SHROOM2: variants seen among roughly 807,000 people sequenced by gnomAD.
SHROOM2 encodes the protein protein Shroom2.
In SHROOM2, 33 loss-of-function variants were observed where a neutral mutation model predicts 75.9. That is an observed-to-expected ratio of 0.43 (90% CI 0.33 to 0.58). The LOEUF (loss-of-function observed/expected upper bound fraction) is 0.58. SHROOM2 is among the 20% of genes least tolerant of loss of function. The probability of loss-of-function intolerance (pLI) is 0.04; values close to 1 mark genes in which losing one functional copy is unlikely to be tolerated. For synonymous variants in SHROOM2, 655 were observed against 663.6 expected (o/e 0.99, Z 0.20); for missense variants, 1,434 against 1,461.2 (o/e 0.98, Z 0.30).
intron 1 of SHROOM2, among the ~76,000 whole-genome samples, chrX:9,809,912 G>A (rs1166803938): frequency 1.8e-5 from 2 of 112,480 alleles, no homozygotes; most frequent in African/African-American, 6.5e-5. Flanking sequence ...CTGACCTCAA[G>A]TGATCCACCT....
At chrX:9,936,995 A>G (rs903802469) in intron 6 of SHROOM2, 139 bp from the exon 7 acceptor site, 28 of 579,920 alleles carry the variant, frequency 4.8e-5, no homozygotes, top group Non-Finnish European at 6.4e-5. Flanking sequence ...ATGTGGGATC[A>G]TGGAGGCTCC....
At chrX:9,938,207 T>C (rs1314195636) in intron 7 of SHROOM2, among the ~76,000 whole-genome samples, 1 of 112,142 alleles carries the variant, frequency 8.9e-6, no homozygotes, top group Non-Finnish European at 1.9e-5. Context: ...CTTTATGAAA[T>C]GTTTTTTTAA....
intron 2 of SHROOM2, among the ~76,000 whole-genome samples, chrX:9,879,798 T>A (rs1427469739): frequency 8.9e-6 from 1 of 112,061 alleles, no homozygotes; most frequent in African/African-American, 3.2e-5. Flanking sequence ...CTGTATGTGC[T>A]ATGCAGTGGG....
intron 8 of SHROOM2, among the ~76,000 whole-genome samples, chrX:9,942,200 A>G (rs1326283371): frequency 1.8e-5 from 2 of 111,677 alleles, no homozygotes; most frequent in African/African-American, 6.5e-5. Context: ...CAGTCTCTCC[A>G]GATAGGTAGT....
intron 2 of SHROOM2, among the ~76,000 whole-genome samples, chrX:9,883,764 A>G (rs2084244508): frequency 1.8e-5 from 2 of 111,473 alleles, no homozygotes; most frequent in Non-Finnish European, 3.8e-5. Context: ...TGGCAGGAAA[A>G]GGAAGGAAGC....
intron 6 of SHROOM2, among the ~76,000 whole-genome samples, chrX:9,935,335 T>TTATTATTATTTA (rs1160776258): frequency 0.012 from 1,149 of 98,602 alleles, 20 homozygotes; most frequent in African/African-American, 0.044. Context: ...ATTATTATTA[T>TTATTATTATTTA]TTATTATTAT....
intron 8 of SHROOM2, among the ~76,000 whole-genome samples, chrX:9,940,059 C>T (rs762687587): frequency 1.8e-5 from 2 of 112,231 alleles, no homozygotes; most frequent in African/African-American, 6.5e-5. Context: ...GGATTACAGG[C>T]GTGAGCCACT....
chrX:9,895,566 C>T lies in SHROOM2; in HGVS notation c.1658C>T (p.Pro553Leu). The part of the protein sequence containing the change: ...EGCSAGAQEP[P>L]RASRAEKASQ... ...TGCTCCGCGGGAGCCCAGGAGCCTCCCAGGGCCAGCCGTGCAGAAAAAGCC... is the reference window on the plus strand; with the variant it reads ...TGCTCCGCGGGAGCCCAGGAGCCTCTCAGGGCCAGCCGTGCAGAAAAAGCC... The change falls in exon 4 of 10, where the codon CCC becomes CTC. Residue 553 changes from proline (P) to leucine (L), a missense_variant. Physicochemically the swap from Pro to Leu is moderately conservative, Grantham distance 98 (BLOSUM62 -3). Transcript: ENST00000380913. 8.5e-7 allele frequency: 1 copy of T among 1,171,682 alleles called. No individual in the cohort carries two copies. The highest frequency in any genetic ancestry group is 1.1e-6 in the Non-Finnish European group (1 of 877,534).
Position 9,835,195 on chromosome X carries a change from C to G in SHROOM2, c.166-38457C>G, listed in dbSNP as rs1479192843. Reference sequence around the variant, plus strand: ...CAAACTGGGAGTCAGGAAACTAGACCTGCAGGGCAGAGAACCTGTGCTTTG... The same window carrying G: ...CAAACTGGGAGTCAGGAAACTAGACGTGCAGGGCAGAGAACCTGTGCTTTG... On this transcript the variant is annotated intron_variant, in intron 1 of 9. Coordinates refer to ENST00000380913, the MANE Select transcript of SHROOM2 (RefSeq NM_001649.4). Among the ~76,000 whole-genome samples the G allele has an allele frequency of 3.5e-5, 4 of 112,698 alleles. No individual in the cohort carries two copies. In the East Asian group the frequency reaches 1.1e-3, roughly 31 times the overall value.
chrX:9,917,241 G>A (rs778779953), intron 5 of SHROOM2, among the ~76,000 whole-genome samples: 10 of 111,890 alleles, frequency 8.9e-5, no homozygotes, highest in Non-Finnish European at 1.5e-4. Flanking sequence ...GTACATTCTC[G>A]TGTCCGGTCT....
At chrX:9,835,853 A>G (rs2083941642) in intron 1 of SHROOM2, among the ~76,000 whole-genome samples, 1 of 110,291 alleles carries the variant, frequency 9.1e-6, no homozygotes, top group Non-Finnish European at 1.9e-5. Flanking sequence ...TCCTCTCATC[A>G]CTGGAGTAGT....
chrX:9,909,047 A>G (rs1424988915), intron 5 of SHROOM2, among the ~76,000 whole-genome samples: 2 of 111,823 alleles, frequency 1.8e-5, no homozygotes, highest in African/African-American at 3.2e-5. Flanking sequence ...GCTTTTCTCC[A>G]ATAAAAGGAA....
rs2084833284 is a variant in SHROOM2 at position 9,947,591 on chromosome X, TAAAG to T, written c.*658_*661del. On this transcript the variant is annotated 3_prime_UTR_variant, in exon 10 of 10. Transcript: ENST00000380913. The stretch of plus-strand genomic sequence containing the variant: ...CTCATTCTCAGATTAAATTGCCACT[TAAAG>T]AAATAACGTGCATGCTTTAAAAAAC... 8.9e-6 allele frequency: 1 copy of T among 112,509 alleles called. No individual in the cohort carries two copies. The highest frequency in any genetic ancestry group is 3.2e-5 in the African/African-American group (1 of 30,843). 9.3% of individuals were successfully genotyped at this position (112,509 alleles called of 1,213,427 possible). A position where few individuals can be genotyped will look rare whatever the true frequency, so the allele number is the denominator to read the frequency against.
In SHROOM2 at chrX:9,842,911, C is replaced by G. The variant is rs1039729150; in HGVS notation, c.166-30741C>G. Among the ~76,000 whole-genome samples the G allele has an allele frequency of 2.3e-4, 26 of 111,381 alleles. No homozygotes were observed. In the Admixed American group the frequency reaches 2.5e-3, roughly 11 times the overall value. On this transcript the variant is annotated intron_variant, in intron 1 of 9. Coordinates refer to ENST00000380913, the MANE Select transcript of SHROOM2 (RefSeq NM_001649.4). Reference sequence around the variant, plus strand: ...GGGAGGGAGAGAGCTGGAATTTGACCCCAGAGCTGTCTGCAGCTTCCCAGG... The same window carrying G: ...GGGAGGGAGAGAGCTGGAATTTGACGCCAGAGCTGTCTGCAGCTTCCCAGG...
At chrX:9,801,020 G>A (rs1369890952) in intron 1 of SHROOM2, among the ~76,000 whole-genome samples, 2 of 111,265 alleles carry the variant, frequency 1.8e-5, no homozygotes, top group East Asian at 2.8e-4. Context: ...AGACATACCC[G>A]AGACTGGGTA....
chrX:9,814,452 G>A lies in SHROOM2; in HGVS notation c.165+27742G>A, dbSNP rs181888179. Among the ~76,000 whole-genome samples, 950 of 111,061 alleles carry A rather than the reference G, an allele frequency of 8.6e-3. 11 individuals are homozygous for A. Among genetic ancestry groups the A allele is most frequent in the African/African-American group, 0.03 (914 of 30,537 alleles). On this transcript the variant is annotated intron_variant, in intron 1 of 9. Coordinates refer to ENST00000380913, the MANE Select transcript of SHROOM2 (RefSeq NM_001649.4). ...ATAGAACTCAAATGGTTCTTTTCGA[G>A]TGTAGCGCACCTCCTCATGGGTCAC...
chrX:9,820,068 T>G (rs904482663), intron 1 of SHROOM2, among the ~76,000 whole-genome samples: 4 of 110,312 alleles, frequency 3.6e-5, no homozygotes, highest in African/African-American at 1.3e-4. Flanking sequence ...CCCAAAGTGT[T>G]GGGATTACAG....
chrX:9,791,644 A>G (rs1035299484), intron 1 of SHROOM2, among the ~76,000 whole-genome samples: 4 of 111,826 alleles, frequency 3.6e-5, no homozygotes, highest in African/African-American at 1.3e-4. Flanking sequence ...TTTAACCCAC[A>G]TGAAGGATTT....
At chrX:9,798,691 A>T (rs2083707221) in intron 1 of SHROOM2, among the ~76,000 whole-genome samples, 1 of 112,368 alleles carries the variant, frequency 8.9e-6, no homozygotes, top group Non-Finnish European at 1.9e-5. Context: ...ATATATTTTT[A>T]TAATTTAGGT....
Sources: allele counts gnomAD v4.1 joint callset (sites outside exome capture counted in the v4.1 genomes callset), GRCh38; gene constraint gnomAD v4.1.1; transcripts MANE v1.5; gene names NCBI Gene and HGNC (gene_info 2026-07-23, HGNC 2026-07-21).